The following CCDC80 variants were observed in gnomAD, a reference collection of about 807,000 sequenced individuals.
The protein encoded by CCDC80 is coiled-coil domain-containing protein 80.
In CCDC80, 49 loss-of-function variants were observed where a neutral mutation model predicts 78.7. The ratio of observed to expected loss-of-function variants is 0.62; its 90% CI spans 0.50 to 0.79. The LOEUF is 0.79. CCDC80 is among the 30% of genes least tolerant of loss of function. The pLI is 0.00. For synonymous variants in CCDC80, 488 were observed against 447.0 expected (o/e 1.09, Z -1.16); for missense variants, 1,205 against 1,198.6 (o/e 1.01, Z -0.08).
In CCDC80 at chr3:112,638,846, G is replaced by A. The variant is rs1576797709; in HGVS notation, c.1060C>T (p.Pro354Ser). ...GTCACTGTTGTGGCTGGGGCAGGAG[G>A]AAGGGTGGTGGCTCTGGGGGTTGAG... Reference protein sequence around the residue: ...PPSTPRATTLPPAPATTVTRS... With the variant: ...PPSTPRATTLSPAPATTVTRS... Residue 354 changes from proline to serine, a missense_variant, in exon 2 of 8, where the codon CCT becomes TCT. Coordinates refer to ENST00000206423, the MANE Select transcript of CCDC80 (RefSeq NM_199511.3). 1 of 1,613,774 alleles carries A rather than the reference G, an allele frequency of 6.2e-7. No individual in the cohort carries two copies. Among genetic ancestry groups the A allele is most frequent in the Non-Finnish European group, 8.5e-7 (1 of 1,179,998 alleles).
chr3:112,620,046 C>G (rs1387715411), intron 3 of CCDC80, among the ~76,000 whole-genome samples: 4 of 152,154 alleles, frequency 2.6e-5, no homozygotes, highest in Non-Finnish European at 5.9e-5. Flanking sequence ...CAATGAGAGC[C>G]TATCACTTAT....
At chr3:112,605,938 C>A (rs1935478378) in intron 7 of CCDC80, among the ~76,000 whole-genome samples, 175 bp from the exon 8 acceptor site, 4 of 152,158 alleles carry the variant, frequency 2.6e-5, no homozygotes, top group African/African-American at 9.7e-5. Context: ...AATTAAATGT[C>A]CCTGCTTTCT....
rs749944346 is a variant in CCDC80 at position 112,605,505 on chromosome 3, C to A, written c.2765G>T (p.Gly922Val). 77 of 1,614,034 alleles carry A rather than the reference C, an allele frequency of 4.8e-5. No homozygotes were observed. The highest frequency in any genetic ancestry group is 4.0e-5 in the Non-Finnish European group (47 of 1,180,030). The change falls in exon 8 of 8, where the codon GGT (glycine) becomes GTT (valine). Residue 922 changes from glycine to valine, a missense_variant. Physicochemically the swap from Gly to Val is moderately radical, Grantham distance 109. Transcript: ENST00000206423. ...GTATCCTTGGTGGTAACTATGGTAA[C>A]CATAGCCTGCATACTCATCTTCTGG... The part of the protein sequence containing the change: ...RCPEDEYAGY[G>V]YHSYHQGYQD...
chr3:112,621,689 C>T (rs1935871945), intron 3 of CCDC80, among the ~76,000 whole-genome samples: 1 of 152,132 alleles, frequency 6.6e-6, no homozygotes, highest in Non-Finnish European at 1.5e-5. Flanking sequence ...CAGTTGCTAC[C>T]TTCACAACTA....
Position 112,601,340 on chromosome 3 carries a change from GAATT to G in CCDC80, c.*4073_*4076del, listed in dbSNP as rs1490726580. 1 of 152,022 alleles carries G rather than the reference GAATT, an allele frequency of 6.6e-6. No homozygotes were observed. Among genetic ancestry groups the G allele is most frequent in the Non-Finnish European group, 1.5e-5 (1 of 68,014 alleles). 9.4% of individuals were successfully genotyped at this position (152,022 alleles called of 1,614,324 possible). On this transcript the variant is annotated 3_prime_UTR_variant, in exon 8 of 8. Coordinates refer to ENST00000206423, the MANE Select transcript of CCDC80 (RefSeq NM_199511.3). The stretch of plus-strand genomic sequence containing the variant: ...CATTTATTAATCTCTGTACTTATTA[GAATT>G]AATAATAATACTAAAATGATTTGGA...
At chr3:112,627,502 T>C (rs1936001291) in intron 3 of CCDC80, among the ~76,000 whole-genome samples, 1 of 152,228 alleles carries the variant, frequency 6.6e-6, no homozygotes, top group East Asian at 1.9e-4. Flanking sequence ...TAGTTGGATG[T>C]GTGCCCCTGC....
Position 112,600,473 on chromosome 3 carries a change from T to C in CCDC80, c.*4944A>G, listed in dbSNP as rs1403676073. The C allele has an allele frequency of 6.6e-6, 1 of 152,124 alleles. No homozygotes were observed. Among genetic ancestry groups the C allele is most frequent in the Non-Finnish European group, 1.5e-5 (1 of 68,028 alleles). The allele number at this position is 152,124 out of a possible 1,614,324, so 9.4% of individuals were successfully genotyped here. On this transcript the variant is annotated 3_prime_UTR_variant, in exon 8 of 8. Coordinates refer to ENST00000206423, the MANE Select transcript of CCDC80 (RefSeq NM_199511.3). The stretch of plus-strand genomic sequence containing the variant: ...TTTCTATTATTCCTATCTAATTCAT[T>C]TTCTTGGGAGATGAAACTCCCTCTT...
At chr3:112,607,120 G>A (rs764903914) in intron 7 of CCDC80, 56 bp downstream of exon 7, 7 of 1,310,398 alleles carry the variant, frequency 5.3e-6, no homozygotes, top group Middle Eastern at 1.9e-4. Flanking sequence ...ATAACTTAAT[G>A]TAATTTAACT....
chr3:112,638,317 G>A lies in CCDC80; in HGVS notation c.1589C>T (p.Pro530Leu). The change falls in exon 2 of 8, where the codon CCC (proline) becomes CTC (leucine). Residue 530 changes from proline to leucine, a missense_variant. By Grantham distance (98) the Pro-to-Leu change is moderately conservative. Coordinates refer to ENST00000206423, the MANE Select transcript of CCDC80 (RefSeq NM_199511.3). ...TTTAGACTCCTTTGCTTTTTTAAGGGGAACATTCCCCACCTGCAGCTCGTC... is the reference window on the plus strand; with the variant it reads ...TTTAGACTCCTTTGCTTTTTTAAGGAGAACATTCCCCACCTGCAGCTCGTC... ...LEDELQVGNV[P>L]LKKAKESKKH... 6.2e-7 allele frequency: 1 copy of A among 1,613,900 alleles called. No homozygotes were observed. Among genetic ancestry groups the A allele is most frequent in the Non-Finnish European group, 8.5e-7 (1 of 1,180,002 alleles).
At chr3:112,613,976 G>T (rs552848812) in intron 5 of CCDC80, among the ~76,000 whole-genome samples, 1 of 152,152 alleles carries the variant, frequency 6.6e-6, no homozygotes, top group South Asian at 2.1e-4. Flanking sequence ...ATTAGAATGT[G>T]TAATTAAGTA....
intron 2 of CCDC80, among the ~76,000 whole-genome samples, chr3:112,637,726 G>A (rs1040749984): frequency 6.6e-6 from 1 of 152,148 alleles, no homozygotes; most frequent in Non-Finnish European, 1.5e-5. Flanking sequence ...ATGGGGGAAG[G>A]GTCCCTACAG....
Position 112,639,430 on chromosome 3 carries a change from G to A in CCDC80, c.476C>T (p.Ala159Val), listed in dbSNP as rs1936292507. The A allele has an allele frequency of 1.2e-6, 2 of 1,614,056 alleles. No homozygotes were observed. Among genetic ancestry groups the A allele is most frequent in the South Asian group, 1.1e-5 (1 of 91,088 alleles). Residue 159 changes from alanine (A) to valine (V), a missense_variant, in exon 2 of 8, where the codon GCC becomes GTC. Transcript: ENST00000206423. ...CATGAGGCGGTAGTAGCCTTCCGAGGCATGAGGGGCTGAGATGACCCATAC... is the reference window on the plus strand; with the variant it reads ...CATGAGGCGGTAGTAGCCTTCCGAGACATGAGGGGCTGAGATGACCCATAC... The part of the protein sequence containing the change: ...NRVWVISAPH[A>V]SEGYYRLMMS...
At position 112,612,633 on chromosome 3, in the gene CCDC80, G is replaced by A. The variant is rs76369652; in HGVS notation, c.2322-2552C>T. On this transcript the variant is annotated intron_variant, in intron 5 of 7. Transcript: ENST00000206423. ...AGTAAATAAAAACTTTACAAGCTGT[G>A]AATGTGTTTGCTTCTCTTAACTGGC... is the stretch of plus-strand genomic sequence containing the variant. Among the ~76,000 whole-genome samples the A allele has an allele frequency of 1.6e-3, 250 of 152,268 alleles. 8 individuals are homozygous for A. In the East Asian group the frequency reaches 0.043, roughly 26 times the overall value.
In CCDC80 at chr3:112,630,189, A is replaced by G. The variant is rs1936069608; in HGVS notation, c.1959T>C (p.Ala653=). 2 of 1,613,816 alleles carry G rather than the reference A, an allele frequency of 1.2e-6. No homozygotes were observed. Among genetic ancestry groups the G allele is most frequent in the Admixed American group, 1.7e-5 (1 of 59,978 alleles). The change falls in exon 3 of 8, where the codon GCT becomes GCC. Residue 653 remains alanine, a synonymous_variant. Coordinates refer to ENST00000206423, the MANE Select transcript of CCDC80 (RefSeq NM_199511.3). ...TGGTGATCACAGAGATTTTCCTGGT[A>G]GCCATCTTGCAGAAACTTTCCAGAT... ...DEYLESFCKM[A]TRKISVITIF...
At chr3:112,613,782 C>A (rs4340680) in intron 5 of CCDC80, among the ~76,000 whole-genome samples, 65,178 of 151,592 alleles carry the variant, frequency 0.43, 14,798 homozygotes, top group Middle Eastern at 0.55. Flanking sequence ...AGATCACTAA[C>A]CCTGGAAGAT....
chr3:112,623,070 T>C lies in CCDC80; in HGVS notation c.2036-3966A>G, dbSNP rs569092875. On this transcript the variant is annotated intron_variant, in intron 3 of 7. Coordinates refer to ENST00000206423, the MANE Select transcript of CCDC80 (RefSeq NM_199511.3). ...ATAGATTCAAGCCCATTTGCTGGGA[T>C]TTGGACCTAAGATTATTGAGGTGAG... 5.9e-5 allele frequency among the ~76,000 whole-genome samples: 9 copies of C among 152,228 alleles called. No individual in the cohort carries two copies. In the East Asian group the frequency reaches 1.2e-3, roughly 20 times the overall value.
At chr3:112,618,712 C>T (rs1441873114) in intron 4 of CCDC80, among the ~76,000 whole-genome samples, 1 of 152,156 alleles carries the variant, frequency 6.6e-6, no homozygotes, top group African/African-American at 2.4e-5. Flanking sequence ...GAATGTAAAA[C>T]ATTGTTGTTA....
At chr3:112,633,257 C>T (rs1441257872) in intron 2 of CCDC80, among the ~76,000 whole-genome samples, 1 of 152,122 alleles carries the variant, frequency 6.6e-6, no homozygotes, top group Non-Finnish European at 1.5e-5. Context: ...GAATAATTCA[C>T]CCACAATCCT....
intron 3 of CCDC80, among the ~76,000 whole-genome samples, chr3:112,629,149 G>A (rs909189295): frequency 2.6e-5 from 4 of 151,944 alleles, no homozygotes; most frequent in African/African-American, 9.7e-5. Context: ...GAAGTTAAAT[G>A]TTGACTAACA....
Sources: gnomAD v4.1 joint callset for allele counts (sites outside exome capture counted in the v4.1 genomes callset) on GRCh38, gnomAD v4.1.1 for gene constraint, MANE v1.5 for transcripts, NCBI Gene and HGNC (gene_info 2026-07-23, HGNC 2026-07-21) for gene names.